Variants in NALF1 observed in about 807,000 individuals in gnomAD.
NALF1 encodes the protein family with sequence similarity 155 member A.
NALF1 carries 3 observed loss-of-function variants against 48.4 expected under a neutral mutation model. The ratio of observed to expected loss-of-function variants is 0.06; its 90% CI spans 0.03 to 0.16. The LOEUF is 0.16. Ranked by LOEUF, NALF1 falls within the 10% of genes least tolerant of loss-of-function variation. NALF1 has a pLI of 1.00. For synonymous variants in NALF1, 262 were observed against 245.7 expected, an observed-to-expected ratio of 1.07 and a Z score of -0.62; for missense variants, 526 against 571.5, an observed-to-expected ratio of 0.92 and a Z score of 0.81.
At chr13:107,559,883 C>T (rs965937833) in intron 1 of NALF1, among the ~76,000 whole-genome samples, 5 of 151,958 alleles carry the variant, frequency 3.3e-5, no homozygotes, top group African/African-American at 1.2e-4. Flanking sequence ...TGAAATATAT[C>T]GCTATTGGTG....
chr13:107,840,872 A>G (rs1462871556), intron 1 of NALF1, among the ~76,000 whole-genome samples: 4 of 151,932 alleles, frequency 2.6e-5, no homozygotes, highest in Non-Finnish European at 5.9e-5. Context: ...TTTCCTTCAT[A>G]TGTTAAGATT....
chr13:107,502,733 G>A (rs1290543128), intron 1 of NALF1, among the ~76,000 whole-genome samples: 1 of 152,108 alleles, frequency 6.6e-6, no homozygotes, highest in Non-Finnish European at 1.5e-5. Context: ...AAATCTAGAT[G>A]TTTCCCCTGA....
At chr13:107,691,449 G>GT (rs1444865337) in intron 1 of NALF1, among the ~76,000 whole-genome samples, 2 of 152,220 alleles carry the variant, frequency 1.3e-5, no homozygotes, top group African/African-American at 4.8e-5. Flanking sequence ...GAATCAGATT[G>GT]TAAGGATATG....
At chr13:107,596,263 C>T (rs1004000730) in intron 1 of NALF1, among the ~76,000 whole-genome samples, 2 of 152,234 alleles carry the variant, frequency 1.3e-5, no homozygotes, top group African/African-American at 4.8e-5. Context: ...GACAGTGTGG[C>T]GATTCCTCAA....
chr13:107,510,122 A>G (rs1359782569), intron 1 of NALF1, among the ~76,000 whole-genome samples: 1 of 152,142 alleles, frequency 6.6e-6, no homozygotes, highest in Non-Finnish European at 1.5e-5. Flanking sequence ...AATTAATCTT[A>G]TATTTTCCTT....
intron 1 of NALF1, among the ~76,000 whole-genome samples, chr13:107,257,631 C>A (rs1191737106): frequency 6.6e-6 from 1 of 152,040 alleles, no homozygotes; most frequent in Non-Finnish European, 1.5e-5. Flanking sequence ...ACTCTCCTAT[C>A]TGTGAAGAGG....
chr13:107,793,004 A>C (rs1204858493), intron 1 of NALF1, among the ~76,000 whole-genome samples: 2 of 152,168 alleles, frequency 1.3e-5, no homozygotes, highest in African/African-American at 4.8e-5. Flanking sequence ...AATGTCCTTA[A>C]TTTGTAAATA....
At chr13:107,287,733 T>A (rs191925080) in intron 1 of NALF1, among the ~76,000 whole-genome samples, 32 of 128,400 alleles carry the variant, frequency 2.5e-4, no homozygotes, top group African/African-American at 7.1e-4. Context: ...TGAGACAGAG[T>A]CTTGTTTTGT....
At chr13:107,759,256 T>C (rs1877199679) in intron 1 of NALF1, among the ~76,000 whole-genome samples, 1 of 152,230 alleles carries the variant, frequency 6.6e-6, no homozygotes. Flanking sequence ...TCACCCAGGC[T>C]GGAGTGCAGT....
At chr13:107,473,254 T>G (rs971399558) in intron 1 of NALF1, among the ~76,000 whole-genome samples, 4 of 152,142 alleles carry the variant, frequency 2.6e-5, no homozygotes, top group African/African-American at 9.7e-5. Context: ...TCCTGGAAAG[T>G]AACAACCATT....
At position 107,170,377 on chromosome 13, in the gene NALF1, C is replaced by A. The variant is rs1878772998; in HGVS notation, c.*120G>T. The A allele has an allele frequency of 1.7e-5, 16 of 942,298 alleles. No homozygotes were observed. Among genetic ancestry groups the A allele is most frequent in the Non-Finnish European group, 2.5e-5 (16 of 638,012 alleles). 58.4% of individuals were successfully genotyped at this position (942,298 alleles called of 1,614,324 possible). Reference sequence around the variant, plus strand: ...TTCAGGCCCATCTGTTTAAATTTTACCCTAAAGGCCTTGCAATAAGTAATT... The same window carrying A: ...TTCAGGCCCATCTGTTTAAATTTTAACCTAAAGGCCTTGCAATAAGTAATT... On this transcript the variant is annotated 3_prime_UTR_variant, in exon 3 of 3. Transcript: ENST00000375915.
intron 1 of NALF1, among the ~76,000 whole-genome samples, chr13:107,840,487 T>C (rs1880013382): frequency 6.6e-6 from 1 of 152,208 alleles, no homozygotes; most frequent in African/African-American, 2.4e-5. Context: ...TCCTGAACAT[T>C]ACACTTGCAT....
Position 107,295,929 on chromosome 13 carries a change from C to G in NALF1, c.916-85174G>C, listed in dbSNP as rs73584954. On this transcript the variant is annotated intron_variant, in intron 1 of 2. Coordinates refer to ENST00000375915, the MANE Select transcript of NALF1 (RefSeq NM_001080396.3). ...TTTGCAAGTCGGTATTGTGAACTGT[C>G]AGTGTAAATTCTGACTGAATTCCTT... Among the ~76,000 whole-genome samples the G allele has an allele frequency of 3.4e-3, 511 of 152,282 alleles. 3 individuals carry two copies. The highest frequency in any genetic ancestry group is 0.012 in the African/African-American group (489 of 41,544).
In NALF1 at chr13:107,772,780, A is replaced by C. The variant is rs143174363; in HGVS notation, c.915+92902T>G. On this transcript the variant is annotated intron_variant, in intron 1 of 2. Transcript: ENST00000375915. ...GCCTATTAAAAGCTCTGAGAAGCTTAGGTTCCTATGTGAGAGAAACACTTA... is the reference window on the plus strand; with the variant it reads ...GCCTATTAAAAGCTCTGAGAAGCTTCGGTTCCTATGTGAGAGAAACACTTA... 2.9e-4 allele frequency among the ~76,000 whole-genome samples: 44 copies of C among 152,330 alleles called. 1 individual carries two copies. The highest frequency in any genetic ancestry group is 3.4e-3 in the Middle Eastern group (1 of 294).
At chr13:107,638,150 A>G (rs910907167) in intron 1 of NALF1, among the ~76,000 whole-genome samples, 1 of 122,420 alleles carries the variant, frequency 8.2e-6, no homozygotes, top group African/African-American at 2.7e-5. Context: ...CTATATATGA[A>G]AGCACTTGGA....
intron 1 of NALF1, among the ~76,000 whole-genome samples, chr13:107,546,861 T>C (rs958496210): frequency 6.6e-6 from 1 of 152,102 alleles, no homozygotes; most frequent in Non-Finnish European, 1.5e-5. Flanking sequence ...ATATAATAAA[T>C]GCCATTTTAT....
At chr13:107,698,888 C>T (rs1445397615) in intron 1 of NALF1, among the ~76,000 whole-genome samples, 1 of 152,038 alleles carries the variant, frequency 6.6e-6, no homozygotes, top group Non-Finnish European at 1.5e-5. Flanking sequence ...TGGTGACAGA[C>T]ATCTAGGGTC....
chr13:107,524,197 T>C (rs1005562151), intron 1 of NALF1, among the ~76,000 whole-genome samples: 4 of 152,154 alleles, frequency 2.6e-5, no homozygotes, highest in Non-Finnish European at 2.9e-5. Flanking sequence ...CCACAAATAA[T>C]GCATGAAAAT....
intron 1 of NALF1, among the ~76,000 whole-genome samples, chr13:107,396,726 C>T (rs1448956533): frequency 6.6e-6 from 1 of 152,180 alleles, no homozygotes; most frequent in Non-Finnish European, 1.5e-5. Context: ...TGAGTTATAG[C>T]TTATCAGGAG....
Sources: allele counts gnomAD v4.1 joint callset (sites outside exome capture counted in the v4.1 genomes callset), GRCh38; gene constraint gnomAD v4.1.1; transcripts MANE v1.5; gene names NCBI Gene and HGNC (gene_info 2026-07-23, HGNC 2026-07-21).